GRIK4: variants seen among roughly 807,000 people sequenced by gnomAD.
GRIK4 encodes the protein glutamate ionotropic receptor kainate type subunit 4, also known as glutamate receptor ionotropic, kainate 4.
Under a neutral mutation model 104.9 loss-of-function variants are expected in GRIK4, and 40 were observed. The observed-to-expected ratio is 0.38, with a 90% CI of 0.30 to 0.50. GRIK4 has a LOEUF of 0.50. Ranked by LOEUF, GRIK4 falls within the 20% of genes least tolerant of loss-of-function variation. The pLI is 0.93. For missense variants in GRIK4, 1,047 were observed against 1,308.1 expected (o/e 0.80, Z 3.08); for synonymous variants, 485 against 524.9 (o/e 0.92, Z 1.04).
At chr11:120,715,792 G>A (rs992800461) in intron 3 of GRIK4, among the ~76,000 whole-genome samples, 11 of 152,210 alleles carry the variant, frequency 7.2e-5, no homozygotes, top group Middle Eastern at 3.2e-3. Context: ...GGCGGCAAAT[G>A]TTCCCACTTT....
rs950870339 is a variant in GRIK4, at chr11:120,967,523, G to A, written c.2395+200G>A. 6.6e-5 allele frequency among the ~76,000 whole-genome samples: 10 copies of A among 152,088 alleles called. No homozygotes were observed. The East Asian group carries it at 1.5e-3, about 23-fold the overall frequency. On this transcript the variant is annotated intron_variant, in intron 19 of 20. Transcript: ENST00000527524. This position sits in a 1 kb window ranked among gnomAD's most constrained non-coding sequence, Gnocchi z 4.2. ...TATCGCAGGCACCCAGTGTCCACCCGGCTCCCAAGTCCTAGAGGCTCTGCC... is the reference window on the plus strand; with the variant it reads ...TATCGCAGGCACCCAGTGTCCACCCAGCTCCCAAGTCCTAGAGGCTCTGCC...
chr11:120,700,894 T>C (rs1472206617), intron 3 of GRIK4, among the ~76,000 whole-genome samples: 5 of 152,164 alleles, frequency 3.3e-5, no homozygotes, highest in Non-Finnish European at 5.9e-5. Context: ...CAGCCGGCCA[T>C]ATTACTGCAT....
intron 13 of GRIK4, among the ~76,000 whole-genome samples, chr11:120,915,509 G>A (rs1262003823): frequency 1.3e-5 from 2 of 151,914 alleles, no homozygotes; most frequent in Admixed American, 6.6e-5. Context: ...AGTGAGGTGC[G>A]CACACCCCAG....
intron 1 of GRIK4, among the ~76,000 whole-genome samples, chr11:120,550,085 C>T (rs538361373): frequency 3.3e-4 from 50 of 151,984 alleles, no homozygotes; most frequent in African/African-American, 1.1e-3. Flanking sequence ...TGCCTGGTTG[C>T]GGGGAATGGG....
chr11:120,934,332 GGCTTT>G (rs969300329), intron 13 of GRIK4, among the ~76,000 whole-genome samples: 4 of 152,032 alleles, frequency 2.6e-5, no homozygotes, highest in Admixed American at 2.0e-4. Flanking sequence ...GAGATGAGAA[GGCTTT>G]GCTGTCTTCG....
chr11:120,862,304 G>T, intron 9 of GRIK4, 184 bp downstream of exon 9: 1 of 571,050 alleles, frequency 1.8e-6, no homozygotes, highest in Non-Finnish European at 3.1e-6. Flanking sequence ...GAAGCAATGA[G>T]CTGTAGACAG....
Position 120,819,339 on chromosome 11 carries a change from C to T in GRIK4, c.346-416C>T, listed in dbSNP as rs977851450. The stretch of plus-strand genomic sequence containing the variant: ...TTAGTCCCAGGGTAGCGATTTTTCT[C>T]TTTCTGCCGTCTCTGCTCTGATGTA... On this transcript the variant is annotated intron_variant, in intron 5 of 20. Transcript: ENST00000527524. This position sits in a 1 kb window ranked among gnomAD's most constrained non-coding sequence, Gnocchi z 4.3. Among the ~76,000 whole-genome samples the T allele has an allele frequency of 2.6e-5, 4 of 152,192 alleles. No homozygotes were observed. Among genetic ancestry groups the T allele is most frequent in the Non-Finnish European group, 4.4e-5 (3 of 68,030 alleles).
chr11:120,808,156 A>G (rs1357291757), intron 4 of GRIK4, among the ~76,000 whole-genome samples: 1 of 152,194 alleles, frequency 6.6e-6, no homozygotes, highest in South Asian at 2.1e-4. Flanking sequence ...CAGAGTGTAC[A>G]TAGGGGCAGA....
At chr11:120,732,947 C>T (rs1283125212) in intron 3 of GRIK4, among the ~76,000 whole-genome samples, 1 of 152,162 alleles carries the variant, frequency 6.6e-6, no homozygotes, top group African/African-American at 2.4e-5. Context: ...TTGAAATCTC[C>T]AGCTATTATT....
intron 13 of GRIK4, among the ~76,000 whole-genome samples, chr11:120,915,537 T>C (rs894656769): frequency 6.6e-6 from 1 of 152,008 alleles, no homozygotes; most frequent in African/African-American, 2.4e-5. Context: ...CCGCTGGGCC[T>C]CTGGAGCCGC....
chr11:120,672,094 T>C (rs1169907571), intron 3 of GRIK4, among the ~76,000 whole-genome samples: 1 of 152,184 alleles, frequency 6.6e-6, no homozygotes, highest in African/African-American at 2.4e-5. Context: ...CTTAGGATCG[T>C]CTTGGCTATA....
chr11:120,814,464 G>C lies in GRIK4; in HGVS notation c.248-914G>C, dbSNP rs570272490. On this transcript the variant is annotated intron_variant, in intron 4 of 20. Coordinates refer to ENST00000527524, the MANE Select transcript of GRIK4 (RefSeq NM_014619.5). The stretch of plus-strand genomic sequence containing the variant: ...AAAATACAAAAATTAGCCAGGCGTG[G>C]TGGTGGGTGCCTGTAATCCCAGTTA... 3.9e-5 allele frequency among the ~76,000 whole-genome samples: 6 copies of C among 152,282 alleles called. No individual in the cohort carries two copies. The East Asian group carries it at 1.2e-3, about 29-fold the overall frequency.
chr11:120,679,475 TCC>T (rs1950156817), intron 3 of GRIK4, among the ~76,000 whole-genome samples: 1 of 152,210 alleles, frequency 6.6e-6, no homozygotes, highest in African/African-American at 2.4e-5. Context: ...CTGCCAGTGG[TCC>T]CTGGAGCATG....
intron 3 of GRIK4, among the ~76,000 whole-genome samples, chr11:120,709,283 C>T (rs144864074): frequency 3.6e-4 from 55 of 151,998 alleles, no homozygotes; most frequent in African/African-American, 1.1e-3. Context: ...CTAGTTTCTA[C>T]CCCCAATCTC....
intron 1 of GRIK4, among the ~76,000 whole-genome samples, chr11:120,542,408 G>T (rs2266132): frequency 0.28 from 42,477 of 151,770 alleles, 6,081 homozygotes; most frequent in Admixed American, 0.41. Context: ...TGATTTTTTG[G>T]GTATGATGCC....
At chr11:120,949,346 G>C (rs1380684882) in intron 14 of GRIK4, among the ~76,000 whole-genome samples, 1 of 152,202 alleles carries the variant, frequency 6.6e-6, no homozygotes, top group Non-Finnish European at 1.5e-5. Flanking sequence ...CTGATGCACA[G>C]TCCAAATGTC....
chr11:120,708,091 T>C (rs1344378958), intron 3 of GRIK4, among the ~76,000 whole-genome samples: 1 of 152,132 alleles, frequency 6.6e-6, no homozygotes, highest in Non-Finnish European at 1.5e-5. Context: ...GGAGATAGTG[T>C]GGTGGGTGGT....
intron 4 of GRIK4, among the ~76,000 whole-genome samples, chr11:120,810,663 A>G (rs1952811143): frequency 6.6e-6 from 1 of 152,358 alleles, no homozygotes; most frequent in African/African-American, 2.4e-5. Context: ...CAAAAATCCA[A>G]TAAAATGGAT....
At chr11:120,926,879 G>T (rs1380203569) in intron 13 of GRIK4, among the ~76,000 whole-genome samples, 2 of 152,184 alleles carry the variant, frequency 1.3e-5, no homozygotes, top group African/African-American at 2.4e-5. Context: ...GATTTCCGCT[G>T]TGAAGAAAAT....
Sources: gnomAD v4.1 joint callset for allele counts (sites outside exome capture counted in the v4.1 genomes callset) on GRCh38, gnomAD v4.1.1 for gene constraint, Gnocchi (gnomAD v3.1) non-coding constraint, MANE v1.5 for transcripts, NCBI Gene and HGNC (gene_info 2026-07-23, HGNC 2026-07-21) for gene names.